Variants in CTNNA3 observed in about 807,000 individuals in gnomAD.
CTNNA3 encodes the protein catenin alpha-3.
Under a neutral mutation model 95.7 loss-of-function variants are expected in CTNNA3, and 76 were observed. The observed-to-expected ratio is 0.79, with a 90% confidence interval of 0.66 to 0.96. The LOEUF is 0.96. CTNNA3 is among the 40% of genes least tolerant of loss of function. The pLI, the probability that CTNNA3 is intolerant of heterozygous loss-of-function variation, is 0.00. For synonymous variants in CTNNA3, 431 were observed against 374.4 expected (o/e 1.15, Z -1.74); for missense variants, 1,191 against 1,089.8 (o/e 1.09, Z -1.31).
At chr10:65,921,687 T>C (rs914443755) in intron 17 of CTNNA3, among the ~76,000 whole-genome samples, 4 of 152,204 alleles carry the variant, frequency 2.6e-5, no homozygotes, top group African/African-American at 9.6e-5. Flanking sequence ...TGAACTGCCA[T>C]GCCAACTGCT....
At position 67,662,955 on chromosome 10, in the gene CTNNA3, TATAA is replaced by T. The variant is rs1317535788; in HGVS notation, c.-5-15441_-5-15438del. ...TATTTCTACATTATTTCATTCACTA[TATAA>T]TTACAAGTTTCCACTGATATCCTTT... On this transcript the variant is annotated intron_variant, in intron 1 of 17. Transcript: ENST00000433211. 5.3e-5 allele frequency among the ~76,000 whole-genome samples: 8 copies of T among 152,364 alleles called. No homozygotes were observed. In the East Asian group the frequency reaches 1.5e-3, roughly 29 times the overall value.
At chr10:67,178,564 C>T (rs1862352539) in intron 7 of CTNNA3, among the ~76,000 whole-genome samples, 1 of 151,960 alleles carries the variant, frequency 6.6e-6, no homozygotes, top group Admixed American at 6.6e-5. Flanking sequence ...TTAGGCCCCA[C>T]AAATTACGTG....
chr10:67,331,359 T>C (rs1053264606), intron 5 of CTNNA3, among the ~76,000 whole-genome samples: 13 of 152,212 alleles, frequency 8.5e-5, no homozygotes, highest in African/African-American at 3.1e-4. Context: ...CAACATCACT[T>C]GCAGGCAGCA....
chr10:66,184,547 G>A lies in CTNNA3; in HGVS notation c.1885-81298C>T, dbSNP rs2086229589. 1.3e-5 allele frequency among the ~76,000 whole-genome samples: 2 copies of A among 151,992 alleles called. 1 individual carries two copies. The highest frequency in any genetic ancestry group is 4.1e-4 in the South Asian group (2 of 4,820). On this transcript the variant is annotated intron_variant, in intron 13 of 17. Coordinates refer to ENST00000433211, the MANE Select transcript of CTNNA3 (RefSeq NM_013266.4). ...TTTTTTCAGCATCATTTATTAAGAA[G>A]TCTATCTTTCGTCATTGTTTTGCAA...
Position 67,203,431 on chromosome 10 carries a change from T to C in CTNNA3, c.843+16176A>G, listed in dbSNP as rs976793199. Among the ~76,000 whole-genome samples the C allele has an allele frequency of 4.6e-5, 7 of 152,268 alleles. No individual in the cohort carries two copies. The South Asian group carries it at 1.4e-3, about 32-fold the overall frequency. On this transcript the variant is annotated intron_variant, in intron 6 of 17. Coordinates refer to ENST00000433211, the MANE Select transcript of CTNNA3 (RefSeq NM_013266.4). ...TTAAACCTCTTTCCTCTATAAATTA[T>C]CCAGTCTCAGGTATGTCTTTATTAA...
chr10:66,364,999 T>G (rs183706143), intron 12 of CTNNA3, among the ~76,000 whole-genome samples: 1 of 152,176 alleles, frequency 6.6e-6, no homozygotes, highest in Non-Finnish European at 1.5e-5. Context: ...CATTGTATTA[T>G]TCATCCATTT....
intron 12 of CTNNA3, among the ~76,000 whole-genome samples, chr10:66,314,782 T>C (rs1341093846): frequency 1.3e-5 from 2 of 152,070 alleles, no homozygotes. Flanking sequence ...ACAATACTTA[T>C]AAATTTCAAG....
At chr10:66,631,928 C>G (rs1039308592) in intron 9 of CTNNA3, among the ~76,000 whole-genome samples, 7 of 150,376 alleles carry the variant, frequency 4.7e-5, no homozygotes, top group Non-Finnish European at 1.0e-4. Flanking sequence ...ATATATTTTT[C>G]TATATATTTT....
intron 10 of CTNNA3, among the ~76,000 whole-genome samples, chr10:66,534,503 T>C (rs138065625): frequency 0.031 from 4,288 of 139,530 alleles, 102 homozygotes; most frequent in Non-Finnish European, 0.042. Context: ...TATATATATG[T>C]ATATATATGA....
intron 14 of CTNNA3, among the ~76,000 whole-genome samples, chr10:66,095,311 G>A (rs1224660894): frequency 2.0e-5 from 3 of 152,098 alleles, no homozygotes; most frequent in Non-Finnish European, 2.9e-5. Context: ...CACCCAGAAA[G>A]ATAGGAGAGC....
At chr10:66,706,537 A>G (rs1177977920) in intron 9 of CTNNA3, among the ~76,000 whole-genome samples, 1 of 151,964 alleles carries the variant, frequency 6.6e-6, no homozygotes, top group Non-Finnish European at 1.5e-5. Context: ...GTGGATTAAA[A>G]AAACACACAG....
In CTNNA3 at chr10:66,934,805, C is replaced by T. The variant is rs114461690; in HGVS notation, c.1048-159281G>A. ...ATAGTAAGGCAAATACTACATTTAG[C>T]AAAGGCAATTTTTGTTGACATTTCA... On this transcript the variant is annotated intron_variant, in intron 7 of 17. Coordinates refer to ENST00000433211, the MANE Select transcript of CTNNA3 (RefSeq NM_013266.4). 5.6e-3 allele frequency among the ~76,000 whole-genome samples: 849 copies of T among 152,216 alleles called. 9 individuals carry two copies. Among genetic ancestry groups the T allele is most frequent in the African/African-American group, 0.019 (804 of 41,554 alleles).
intron 1 of CTNNA3, among the ~76,000 whole-genome samples, chr10:67,759,241 T>C (rs1841449862): frequency 2.0e-5 from 3 of 152,204 alleles, no homozygotes; most frequent in African/African-American, 7.2e-5. Context: ...CTTCATAATT[T>C]TCTTTGTCCA....
At chr10:66,970,750 T>G (rs538594786) in intron 7 of CTNNA3, among the ~76,000 whole-genome samples, 1 of 152,232 alleles carries the variant, frequency 6.6e-6, no homozygotes, top group East Asian at 1.9e-4. Flanking sequence ...GCAGAACTAT[T>G]TCAAAAGATA....
At chr10:67,758,030 C>A (rs997017812) in intron 1 of CTNNA3, among the ~76,000 whole-genome samples, 1 of 152,022 alleles carries the variant, frequency 6.6e-6, no homozygotes, top group Admixed American at 6.6e-5. Flanking sequence ...CAGGAAGTAT[C>A]CAATCCACTG....
At chr10:67,268,789 G>A (rs79207875) in intron 5 of CTNNA3, among the ~76,000 whole-genome samples, 2,371 of 152,180 alleles carry the variant, frequency 0.016, 68 homozygotes, top group African/African-American at 0.053. Flanking sequence ...AACAGCTATT[G>A]TATATGCAAA....
intron 5 of CTNNA3, among the ~76,000 whole-genome samples, chr10:67,331,774 T>A (rs1011189188): frequency 6.6e-6 from 1 of 152,182 alleles, no homozygotes; most frequent in East Asian, 1.9e-4. Context: ...TTTTTAGAGA[T>A]GTTGAGAACT....
At chr10:67,306,016 T>A (rs1173884370) in intron 5 of CTNNA3, among the ~76,000 whole-genome samples, 1 of 152,158 alleles carries the variant, frequency 6.6e-6, no homozygotes, top group Non-Finnish European at 1.5e-5. Flanking sequence ...TCAGTGAAAT[T>A]TGCCAGAGGA....
intron 11 of CTNNA3, among the ~76,000 whole-genome samples, chr10:66,464,495 G>A (rs745622351): frequency 5.9e-5 from 9 of 152,062 alleles, no homozygotes; most frequent in African/African-American, 9.7e-5. Flanking sequence ...GGGCACGGAG[G>A]CTCACACCTA....
Sources: gnomAD v4.1 joint callset for allele counts (sites outside exome capture counted in the v4.1 genomes callset) on GRCh38, gnomAD v4.1.1 for gene constraint, MANE v1.5 for transcripts, NCBI Gene and HGNC (gene_info 2026-07-23, HGNC 2026-07-21) for gene names.